SETD2: variants seen among roughly 807,000 people sequenced by gnomAD.
SETD2 encodes the protein histone-lysine N-methyltransferase SETD2.
In SETD2, 31 loss-of-function variants were observed where a neutral mutation model predicts 242.1. The ratio of observed to expected loss-of-function variants is 0.13; its 90% CI spans 0.10 to 0.17. The LOEUF is 0.17. SETD2 is among the 10% of genes least tolerant of loss of function. The pLI is 1.00. For synonymous variants in SETD2, 1,006 were observed against 1,066.5 expected, an observed-to-expected ratio of 0.94 and a Z score of 1.11; for missense variants, 2,481 against 3,046.3, an observed-to-expected ratio of 0.81 and a Z score of 4.37.
chr3:47,124,879 A>G (rs2043264541), intron 2 of SETD2, among the ~76,000 whole-genome samples: 1 of 152,298 alleles, frequency 6.6e-6, no homozygotes, highest in African/African-American at 2.4e-5. Flanking sequence ...TAAAAACCTG[A>G]CATATGTTTG....
chr3:47,017,296 A>T lies in SETD2; in HGVS notation c.7534-42T>A. The T allele has an allele frequency of 6.2e-7, 1 of 1,607,894 alleles. No homozygotes were observed. The highest frequency in any genetic ancestry group is 1.1e-5 in the South Asian group (1 of 90,716). ...AAGAGAGACCACAGCCACCAATCAG[A>T]GCAGAAATTATATGAGGGGGAGGAC... is the stretch of plus-strand genomic sequence containing the variant. On this transcript the variant is annotated intron_variant, in intron 20 of 20. Coordinates refer to ENST00000409792, the MANE Select transcript of SETD2 (RefSeq NM_014159.7). The surrounding 1 kb of genome is among the most constrained non-coding windows in gnomAD (Gnocchi z 4.8).
chr3:47,021,228 C>T (rs2038204958), intron 18 of SETD2, among the ~76,000 whole-genome samples: 1 of 152,128 alleles, frequency 6.6e-6, no homozygotes, highest in Admixed American at 6.5e-5. Flanking sequence ...AAAACTTCAA[C>T]ACATCCCCAG....
At chr3:47,108,445 T>C (rs1163583520) in intron 5 of SETD2, among the ~76,000 whole-genome samples, 1 of 152,204 alleles carries the variant, frequency 6.6e-6, no homozygotes, top group Non-Finnish European at 1.5e-5. Flanking sequence ...ATGTAGGTGA[T>C]CTATCCAACT....
At chr3:47,088,288 C>CAA in intron 9 of SETD2, 41 bp from the exon 10 acceptor site, 1 of 1,539,610 alleles carries the variant, frequency 6.5e-7, no homozygotes, top group Non-Finnish European at 8.7e-7. Flanking sequence ...AAAACAACAA[C>CAA]AACAAAAAAA....
chr3:47,051,023 G>A (rs1397714347), intron 15 of SETD2, among the ~76,000 whole-genome samples: 2 of 151,616 alleles, frequency 1.3e-5, no homozygotes, highest in African/African-American at 2.4e-5. Flanking sequence ...GTGAGCCACC[G>A]CACCTGGCCT....
At chr3:47,024,279 T>G (rs147764392) in intron 18 of SETD2, among the ~76,000 whole-genome samples, 5,904 of 151,972 alleles carry the variant, frequency 0.039, 265 homozygotes, top group East Asian at 0.13. Flanking sequence ...GAGACCAGCC[T>G]GGCTAACGAG....
chr3:47,106,769 G>A lies in SETD2; in HGVS notation c.4716-649C>T, dbSNP rs187189025. ...AGAAGTTGCAGTGAGCCGAGATCGC[G>A]CCACTGCACTCCAGCCTGGGCAAGA... On this transcript the variant is annotated intron_variant, in intron 5 of 20. Coordinates refer to ENST00000409792, the MANE Select transcript of SETD2 (RefSeq NM_014159.7). Among the ~76,000 whole-genome samples, 34 of 145,120 alleles carry A rather than the reference G, an allele frequency of 2.3e-4. No homozygotes were observed. The East Asian group carries it at 5.5e-3, about 23-fold the overall frequency.
At chr3:47,124,796 C>G (rs1345018549) in intron 2 of SETD2, among the ~76,000 whole-genome samples, 1 of 152,160 alleles carries the variant, frequency 6.6e-6, no homozygotes, top group Non-Finnish European at 1.5e-5. Context: ...CCCATTCTTA[C>G]TTTCTCGTAC....
At chr3:47,164,248 C>A (rs1418833253), upstream of SETD2, among the ~76,000 whole-genome samples, 1 of 152,346 alleles carries the variant, frequency 6.6e-6, no homozygotes, top group East Asian at 1.9e-4. This position sits in a 1 kb window ranked among gnomAD's most constrained non-coding sequence, Gnocchi z 5.4. Context: ...TGGCTTGACC[C>A]CAGGCCGGGA....
At chr3:47,080,947 C>G (rs1452759680) in intron 12 of SETD2, 1 of 986,846 alleles carries the variant, frequency 1.0e-6, no homozygotes, top group African/African-American at 1.7e-5. Flanking sequence ...ATCCAACTTC[C>G]CAACCATCTT....
At chr3:47,148,178 TG>T (rs1224827363) in intron 1 of SETD2, among the ~76,000 whole-genome samples, 1 of 152,046 alleles carries the variant, frequency 6.6e-6, no homozygotes, top group African/African-American at 2.4e-5. Context: ...TCACCCAGGC[TG>T]GATTGCAGTG....
intron 5 of SETD2, 132 bp downstream of exon 5, chr3:47,113,744 C>T: frequency 1.3e-6 from 1 of 744,938 alleles, no homozygotes; most frequent in Non-Finnish European, 2.1e-6. Context: ...GAGGCTAAGG[C>T]AGGAGAATTG....
chr3:47,144,106 C>A (rs1021499608), intron 1 of SETD2, among the ~76,000 whole-genome samples: 1 of 152,176 alleles, frequency 6.6e-6, no homozygotes, highest in Admixed American at 6.5e-5. Flanking sequence ...GTGCTATAAA[C>A]AGCTCACTTG....
At chr3:47,114,171 G>T (rs540734019) in intron 4 of SETD2, among the ~76,000 whole-genome samples, 167 bp from the exon 5 acceptor site, 1 of 152,198 alleles carries the variant, frequency 6.6e-6, no homozygotes, top group East Asian at 1.9e-4. Context: ...ATCACAAAGG[G>T]ATTCCTTAGA....
chr3:47,102,546 T>C (rs1388501162), intron 7 of SETD2, among the ~76,000 whole-genome samples: 2 of 152,178 alleles, frequency 1.3e-5, no homozygotes, highest in Admixed American at 1.3e-4. Flanking sequence ...ATCTTAGCAC[T>C]TTGGGAGGCT....
chr3:47,138,262 G>A (rs760133800), intron 1 of SETD2: 33 of 281,198 alleles, frequency 1.2e-4, no homozygotes, highest in Admixed American at 8.6e-4. Flanking sequence ...GTGAGCCACC[G>A]CGCCCGGCCC....
At chr3:47,062,465 T>C in intron 13 of SETD2, 119 bp from the exon 14 acceptor site, 1 of 896,590 alleles carries the variant, frequency 1.1e-6, no homozygotes, top group Non-Finnish European at 1.7e-6. Context: ...AATGTATCTA[T>C]GGACTCCTCC....
At chr3:47,095,638 TAAAG>T (rs1476688287) in intron 9 of SETD2, among the ~76,000 whole-genome samples, 1 of 151,822 alleles carries the variant, frequency 6.6e-6, no homozygotes, top group Non-Finnish European at 1.5e-5. Context: ...AGATAAATCT[TAAAG>T]AAACATGTGC....
At chr3:47,140,210 A>G (rs1339345477) in intron 1 of SETD2, among the ~76,000 whole-genome samples, 5 of 152,208 alleles carry the variant, frequency 3.3e-5, no homozygotes, top group Admixed American at 3.3e-4. Flanking sequence ...AAATGTTAAC[A>G]ACTGTATTTA....
Sources: allele counts gnomAD v4.1 joint callset (sites outside exome capture counted in the v4.1 genomes callset), GRCh38; gene constraint gnomAD v4.1.1; non-coding constraint Gnocchi (gnomAD v3.1); transcripts MANE v1.5; gene names NCBI Gene and HGNC (gene_info 2026-07-23, HGNC 2026-07-21).